The following PDE8A variants were observed in gnomAD, a reference collection of about 807,000 sequenced individuals.
PDE8A encodes the protein high affinity cAMP-specific and IBMX-insensitive 3',5'-cyclic phosphodiesterase 8A.
PDE8A carries 59 observed loss-of-function variants against 105.0 expected under a neutral mutation model. The observed-to-expected ratio is 0.56, with a 90% CI of 0.46 to 0.70. PDE8A has a LOEUF of 0.70. Among genes scored for constraint, PDE8A ranks in the 30% least tolerant of loss-of-function variants. The pLI, the probability that PDE8A is intolerant of heterozygous loss-of-function variation, is 0.00. For synonymous variants in PDE8A, 355 were observed against 371.9 expected (o/e 0.95, Z 0.52); for missense variants, 1,014 against 1,045.9 (o/e 0.97, Z 0.42).
chr15:84,990,877 C>T (rs374316706), intron 1 of PDE8A, among the ~76,000 whole-genome samples: 1 of 152,200 alleles, frequency 6.6e-6, no homozygotes, highest in South Asian at 2.1e-4. Context: ...AGTTGCTCTA[C>T]ATCCTTCCCA....
intron 1 of PDE8A, among the ~76,000 whole-genome samples, chr15:85,049,056 C>G (rs191442510): frequency 1.3e-5 from 2 of 151,954 alleles, no homozygotes; most frequent in South Asian, 2.1e-4. Context: ...GAGCTGAGAT[C>G]GCGCCACTGC....
At chr15:85,059,393 T>C (rs759975932) in intron 1 of PDE8A, among the ~76,000 whole-genome samples, 1 of 152,226 alleles carries the variant, frequency 6.6e-6, no homozygotes, top group Non-Finnish European at 1.5e-5. Flanking sequence ...GTTTATTGTG[T>C]TGCTTAAGTC....
rs558011337 is a variant in PDE8A, at chr15:84,992,424, A to G, written c.186+10076A>G. Among the ~76,000 whole-genome samples, 11 of 152,290 alleles carry G rather than the reference A, an allele frequency of 7.2e-5. No individual in the cohort carries two copies. The South Asian group carries it at 2.3e-3, about 32-fold the overall frequency. On this transcript the variant is annotated intron_variant, in intron 1 of 21. Coordinates refer to ENST00000394553, the MANE Select transcript of PDE8A (RefSeq NM_002605.3). ...TATGAGGAGGCTGACCAGAGATAGG[A>G]CGGGAGGTCTAAAAGCCAGGTTGAG...
chr15:85,114,164 C>T lies in PDE8A; in HGVS notation c.1350+127C>T. 6.6e-6 allele frequency: 5 copies of T among 758,924 alleles called. No homozygotes were observed. In the East Asian group the frequency reaches 1.3e-4, roughly 20 times the overall value. 47.0% of individuals were successfully genotyped at this position (758,924 alleles called of 1,614,324 possible). A position where few individuals can be genotyped will look rare whatever the true frequency, so the allele number is the denominator to read the frequency against. On this transcript the variant is annotated intron_variant, in intron 14 of 21. Coordinates refer to ENST00000394553, the MANE Select transcript of PDE8A (RefSeq NM_002605.3). ...CTGTAGGGTTCAGTCAAGACCTAAA[C>T]TCTCCTCCATTGCCTGGGTTCTGCT...
At chr15:85,023,043 G>A (rs1451117030) in intron 1 of PDE8A, among the ~76,000 whole-genome samples, 2 of 152,150 alleles carry the variant, frequency 1.3e-5, no homozygotes, top group East Asian at 3.9e-4. Context: ...GCAAGAGAAC[G>A]GACACTCAGG....
intron 1 of PDE8A, among the ~76,000 whole-genome samples, chr15:85,030,784 A>T (rs289391): frequency 0.54 from 82,665 of 151,964 alleles, 22,522 homozygotes; most frequent in East Asian, 0.56. Context: ...TTCCTTCAAG[A>T]TTTAACCTCA....
chr15:85,049,738 G>A (rs2080942667), intron 1 of PDE8A, among the ~76,000 whole-genome samples: 1 of 152,192 alleles, frequency 6.6e-6, no homozygotes, highest in Admixed American at 6.5e-5. Context: ...TCTGTCATTA[G>A]ACACTTGGGC....
Position 85,099,647 on chromosome 15 carries a change from ATTGT to A in PDE8A, c.942-362_942-359del, listed in dbSNP as rs575999160. 504 of 213,260 alleles carry A rather than the reference ATTGT, an allele frequency of 2.4e-3. 2 individuals are homozygous for A. The highest frequency in any genetic ancestry group is 4.0e-3 in the Non-Finnish European group (425 of 106,948). The allele number at this position is 213,260 out of a possible 1,614,324, so 13.2% of individuals were successfully genotyped here. On this transcript the variant is annotated intron_variant, in intron 9 of 21. Transcript: ENST00000394553. Reference sequence around the variant, plus strand: ...TGTGGCCACCAGTGACCGTGAGCAGATTGTTTGTTGGAACTTGAAGAAAAGCATC... The same window carrying A: ...TGTGGCCACCAGTGACCGTGAGCAGATTGTTGGAACTTGAAGAAAAGCATC...
chr15:84,983,771 A>C (rs2079758825), intron 1 of PDE8A, among the ~76,000 whole-genome samples: 2 of 152,228 alleles, frequency 1.3e-5, no homozygotes, highest in Admixed American at 1.3e-4. Context: ...CTAATGTGAT[A>C]ATTTCAGATT....
At chr15:85,035,736 A>G (rs1373662126) in intron 1 of PDE8A, among the ~76,000 whole-genome samples, 1 of 152,242 alleles carries the variant, frequency 6.6e-6, no homozygotes, top group African/African-American at 2.4e-5. Context: ...GCTATTCTCA[A>G]GGACCAGGAA....
At chr15:85,076,018 C>A in intron 4 of PDE8A, 100 bp downstream of exon 4, 1 of 620,274 alleles carries the variant, frequency 1.6e-6, no homozygotes, top group Admixed American at 2.8e-5. Flanking sequence ...TCAGGCATGC[C>A]CCTTTGTAGT....
chr15:85,030,635 T>G (rs2080598851), intron 1 of PDE8A, among the ~76,000 whole-genome samples: 1 of 152,194 alleles, frequency 6.6e-6, no homozygotes, highest in Non-Finnish European at 1.5e-5. Context: ...TACTGTGGAA[T>G]CCTCCATTTC....
intron 3 of PDE8A, among the ~76,000 whole-genome samples, chr15:85,074,942 C>G (rs2081360697): frequency 1.3e-5 from 2 of 152,186 alleles, no homozygotes; most frequent in Admixed American, 1.3e-4. Context: ...CCTCTACATT[C>G]TCCTCCTTTT....
chr15:85,125,840 CA>C (rs1001777921), intron 19 of PDE8A, among the ~76,000 whole-genome samples: 1 of 151,750 alleles, frequency 6.6e-6, no homozygotes, highest in Non-Finnish European at 1.5e-5. Flanking sequence ...TAATAAAAGA[CA>C]AAACCAGTCT....
chr15:85,112,152 TTTGA>T (rs1259885231), intron 12 of PDE8A, among the ~76,000 whole-genome samples: 1 of 152,204 alleles, frequency 6.6e-6, no homozygotes, highest in Non-Finnish European at 1.5e-5. Context: ...TATTGCTCTG[TTTGA>T]TTTTTTTCTA....
chr15:85,009,112 T>A (rs140064691), intron 1 of PDE8A, among the ~76,000 whole-genome samples: 897 of 26,572 alleles, frequency 0.034, 6 homozygotes, highest in East Asian at 0.16. Flanking sequence ...AGAGAGAGAG[T>A]GTGTGTGTGT....
intron 1 of PDE8A, among the ~76,000 whole-genome samples, chr15:85,044,203 T>C (rs1265118319): frequency 1.3e-5 from 2 of 152,174 alleles, no homozygotes; most frequent in Non-Finnish European, 2.9e-5. Flanking sequence ...GGATATCATT[T>C]TTTGCCCAAC....
At chr15:85,069,168 ATAGT>A (rs1344009141) in intron 3 of PDE8A, among the ~76,000 whole-genome samples, 1 of 152,242 alleles carries the variant, frequency 6.6e-6, no homozygotes, top group South Asian at 2.1e-4. Flanking sequence ...CATAAGCACT[ATAGT>A]TAATCAGAGT....
chr15:85,079,256 C>T (rs1407181317), intron 5 of PDE8A, among the ~76,000 whole-genome samples: 3 of 152,180 alleles, frequency 2.0e-5, no homozygotes, highest in Non-Finnish European at 4.4e-5. Context: ...TCTAGACTAT[C>T]TTAGTCAACG....
Sources: gnomAD v4.1 joint callset for allele counts (sites outside exome capture counted in the v4.1 genomes callset) on GRCh38, gnomAD v4.1.1 for gene constraint, MANE v1.5 for transcripts, NCBI Gene and HGNC (gene_info 2026-07-23, HGNC 2026-07-21) for gene names.